PALM2AKAP2: variants seen among roughly 807,000 people sequenced by gnomAD.
The protein encoded by PALM2AKAP2 is PALM2-AKAP2 fusion protein.
A neutral mutation model predicts 71.5 loss-of-function variants in PALM2AKAP2; 37 were observed. That is an observed-to-expected ratio of 0.52 (90% CI 0.40 to 0.68). The LOEUF (loss-of-function observed/expected upper bound fraction) is 0.68, where lower values mean the gene tolerates loss of function less well. Among genes scored for constraint, PALM2AKAP2 ranks in the 30% least tolerant of loss-of-function variants. PALM2AKAP2 has a pLI of 0.00. For synonymous variants in PALM2AKAP2, 468 were observed against 478.8 expected (o/e 0.98, Z 0.29); for missense variants, 1,224 against 1,191.8 (o/e 1.03, Z -0.40).
At chr9:110,001,096 T>C (rs544397044) in intron 6 of PALM2AKAP2, among the ~76,000 whole-genome samples, 38 of 152,388 alleles carry the variant, frequency 2.5e-4, no homozygotes, top group African/African-American at 8.4e-4. Context: ...CCCATGCCTA[T>C]GTCCTGAATG....
rs537539499 is a variant in PALM2AKAP2 at position 109,646,237 on chromosome 9, G to A, written c.5+5371G>A. ...CAGGTACTTGCTGCCCTCCTGGGTGGGTTGGGTATGAGATCCATGTGTTTG... is the reference window on the plus strand; with the variant it reads ...CAGGTACTTGCTGCCCTCCTGGGTGAGTTGGGTATGAGATCCATGTGTTTG... On this transcript the variant is annotated intron_variant, in intron 1 of 6. Coordinates refer to the PALM2AKAP2 transcript ENST00000374531. 1.1e-3 allele frequency among the ~76,000 whole-genome samples: 160 copies of A among 152,270 alleles called. 1 individual carries two copies. The highest frequency in any genetic ancestry group is 3.8e-3 in the African/African-American group (156 of 41,550).
intron 1 of PALM2AKAP2, among the ~76,000 whole-genome samples, chr9:109,704,331 G>A (rs1339703186): frequency 1.3e-5 from 2 of 152,176 alleles, no homozygotes; most frequent in Non-Finnish European, 2.9e-5. Context: ...TGCTGGTTCT[G>A]AATTACTTCC....
At chr9:109,954,567 G>C (rs985753796) in intron 6 of PALM2AKAP2, among the ~76,000 whole-genome samples, 4 of 149,444 alleles carry the variant, frequency 2.7e-5, no homozygotes, top group African/African-American at 7.4e-5. Context: ...TAGATGACGC[G>C]TTAGTGGGTG....
intron 1 of PALM2AKAP2, among the ~76,000 whole-genome samples, chr9:109,844,494 T>A (rs192288926): frequency 1.8e-4 from 27 of 152,306 alleles, no homozygotes; most frequent in East Asian, 1.7e-3. Flanking sequence ...AATTTCTTAG[T>A]TTTGACAAAT....
At chr9:109,884,232 C>T (rs1455762146) in intron 3 of PALM2AKAP2, among the ~76,000 whole-genome samples, 1 of 152,138 alleles carries the variant, frequency 6.6e-6, no homozygotes, top group Non-Finnish European at 1.5e-5. Flanking sequence ...GAGACCGAGG[C>T]AGGTGGATCA....
intron 3 of PALM2AKAP2, among the ~76,000 whole-genome samples, chr9:110,165,284 T>TCACACACACACA (rs58758256): frequency 6.3e-5 from 9 of 142,374 alleles, no homozygotes; most frequent in African/African-American, 2.1e-4. Context: ...TGCTAGAGAT[T>TCACACACACACA]CACACACACA....
chr9:109,744,374 C>A (rs193113401), intron 1 of PALM2AKAP2, among the ~76,000 whole-genome samples: 1 of 152,142 alleles, frequency 6.6e-6, no homozygotes, highest in East Asian at 1.9e-4. Context: ...ATACTCCAGG[C>A]AAAATGAATA....
At chr9:109,743,449 G>A (rs879859267) in intron 1 of PALM2AKAP2, among the ~76,000 whole-genome samples, 1 of 152,166 alleles carries the variant, frequency 6.6e-6, no homozygotes, top group Non-Finnish European at 1.5e-5. Context: ...GCAGCTGCAG[G>A]TGTGAGATCA....
At chr9:110,111,451 G>C (rs1835250196) in intron 1 of PALM2AKAP2, among the ~76,000 whole-genome samples, 1 of 152,178 alleles carries the variant, frequency 6.6e-6, no homozygotes, top group Non-Finnish European at 1.5e-5. Flanking sequence ...TTACTGAAAT[G>C]ATGACATGCT....
chr9:110,093,478 A>T (rs1834763096), intron 1 of PALM2AKAP2, among the ~76,000 whole-genome samples: 1 of 152,338 alleles, frequency 6.6e-6, no homozygotes, highest in South Asian at 2.1e-4. Flanking sequence ...GCAATTGACC[A>T]AAAATTTAGC....
At chr9:109,668,501 C>G (rs966370659) in intron 1 of PALM2AKAP2, among the ~76,000 whole-genome samples, 2 of 152,212 alleles carry the variant, frequency 1.3e-5, no homozygotes, top group African/African-American at 4.8e-5. Context: ...TTAGTCAGAG[C>G]ACAGCTGAAG....
chr9:109,675,812 G>T (rs115110090), intron 1 of PALM2AKAP2, among the ~76,000 whole-genome samples: 1 of 152,054 alleles, frequency 6.6e-6, no homozygotes, highest in African/African-American at 2.4e-5. Context: ...GGCATTTTGC[G>T]TACCTCTTCT....
At chr9:110,107,468 T>A (rs1360819928) in intron 1 of PALM2AKAP2, among the ~76,000 whole-genome samples, 1 of 152,242 alleles carries the variant, frequency 6.6e-6, no homozygotes, top group Non-Finnish European at 1.5e-5. Context: ...TGATAATAGT[T>A]TTCTTTCTAA....
intron 1 of PALM2AKAP2, among the ~76,000 whole-genome samples, chr9:109,772,891 G>A (rs1333749550): frequency 6.6e-6 from 1 of 152,190 alleles, no homozygotes; most frequent in East Asian, 1.9e-4. Context: ...GGCCGAAGCG[G>A]GCGGATCACG....
chr9:109,717,427 A>G (rs1286839145), intron 1 of PALM2AKAP2, among the ~76,000 whole-genome samples: 1 of 152,164 alleles, frequency 6.6e-6, no homozygotes, highest in East Asian at 1.9e-4. Context: ...ACAGCTCCCA[A>G]ATCATCTTCA....
intron 6 of PALM2AKAP2, among the ~76,000 whole-genome samples, chr9:109,985,444 C>A (rs937790422): frequency 6.6e-6 from 1 of 151,456 alleles, no homozygotes; most frequent in Non-Finnish European, 1.5e-5. Context: ...ACAGTGAAAC[C>A]CCGTCTCTAC....
intron 1 of PALM2AKAP2, among the ~76,000 whole-genome samples, chr9:110,050,593 C>G (rs980376370): frequency 3.9e-5 from 6 of 151,906 alleles, no homozygotes; most frequent in Non-Finnish European, 8.8e-5. Flanking sequence ...CAGTTTTGAC[C>G]CTTGGCCCTT....
At chr9:110,135,172 A>AAAAAAAAAAAT (rs1554755284) in intron 1 of PALM2AKAP2, among the ~76,000 whole-genome samples, 1 of 61,100 alleles carries the variant, frequency 1.6e-5, no homozygotes, top group African/African-American at 6.1e-5. Context: ...AAAATATATA[A>AAAAAAAAAAAT]ATATATATAT....
chr9:110,057,062 A>C (rs769135169), intron 1 of PALM2AKAP2, among the ~76,000 whole-genome samples: 2 of 152,146 alleles, frequency 1.3e-5, no homozygotes, highest in Non-Finnish European at 2.9e-5. Context: ...TGCGGTTCCC[A>C]GGCAGGATGG....
Sources: gnomAD v4.1 joint callset for allele counts (sites outside exome capture counted in the v4.1 genomes callset) on GRCh38, gnomAD v4.1.1 for gene constraint, MANE v1.5 for transcripts, NCBI Gene and HGNC (gene_info 2026-07-23, HGNC 2026-07-21) for gene names.